Variants in KIF26B observed in about 807,000 individuals in gnomAD.
The protein encoded by KIF26B is kinesin family member 26B, also known as kinesin-like protein KIF26B.
A neutral mutation model predicts 151.2 loss-of-function variants in KIF26B; 63 were observed. The observed-to-expected ratio is 0.42, with a 90% confidence interval of 0.34 to 0.51. The LOEUF is 0.51. Among genes scored for constraint, KIF26B ranks in the 20% least tolerant of loss-of-function variants. KIF26B has a pLI of 0.07. For synonymous variants in KIF26B, 1,357 were observed against 1,262.1 expected (o/e 1.08, Z -1.59); for missense variants, 2,813 against 2,913.6 (o/e 0.97, Z 0.79).
chr1:245,685,323 T>C, intron 11 of KIF26B, 82 bp from the exon 12 acceptor site: 1 of 1,211,558 alleles, frequency 8.3e-7, no homozygotes. Flanking sequence ...GTCAGGGGCC[T>C]TCACCACTTG....
intron 5 of KIF26B, among the ~76,000 whole-genome samples, chr1:245,561,139 A>G (rs1302277639): frequency 6.6e-6 from 1 of 152,240 alleles, no homozygotes; most frequent in Non-Finnish European, 1.5e-5. Context: ...CACGAGGGGC[A>G]TTAGACAGAC....
At chr1:245,377,694 A>C (rs697314) in intron 3 of KIF26B, among the ~76,000 whole-genome samples, 17,531 of 152,248 alleles carry the variant, frequency 0.12, 1,272 homozygotes, top group East Asian at 0.36. Flanking sequence ...GAAGTTGCAG[A>C]GGTAAAAGGT....
chr1:245,602,620 C>A lies in KIF26B; in HGVS notation c.1394C>A (p.Thr465Asn). 6.2e-7 allele frequency: 1 copy of A among 1,613,948 alleles called. No homozygotes were observed. The highest frequency in any genetic ancestry group is 8.5e-7 in the Non-Finnish European group (1 of 1,179,840). ...LRICSTLARD[T>N]SESSSFLKVD... ...ATCTGTTCCACCTTGGCTCGAGATACTTCAGAATCCAGCTCTTTCTTAAAG... is the reference window on the plus strand; with the variant it reads ...ATCTGTTCCACCTTGGCTCGAGATAATTCAGAATCCAGCTCTTTCTTAAAG... The change falls in exon 6 of 15, where the codon ACT becomes AAT. Residue 465 changes from threonine (T) to asparagine (N), a missense_variant. Thr to Asn is a moderately conservative substitution (Grantham distance 65). Around this residue, in one of 3 missense-constraint regions of KIF26B, gnomAD observed 676 missense variants for 688.1 expected, o/e 0.98. Coordinates refer to ENST00000407071, the MANE Select transcript of KIF26B (RefSeq NM_018012.4). The surrounding 1 kb of genome is among the most constrained non-coding windows in gnomAD (Gnocchi z 4.5).
chr1:245,202,345 G>T (rs1310451536), intron 2 of KIF26B, among the ~76,000 whole-genome samples: 1 of 152,210 alleles, frequency 6.6e-6, no homozygotes, highest in East Asian at 1.9e-4. Flanking sequence ...GACTAATCAG[G>T]TTTAGTGGGA....
At chr1:245,337,464 G>T (rs1672257038) in intron 2 of KIF26B, among the ~76,000 whole-genome samples, 1 of 152,048 alleles carries the variant, frequency 6.6e-6, no homozygotes, top group Non-Finnish European at 1.5e-5. Context: ...TTACATGTGT[G>T]AGCCACCACG....
chr1:245,359,445 T>G (rs954446359), intron 2 of KIF26B, among the ~76,000 whole-genome samples: 1 of 152,192 alleles, frequency 6.6e-6, no homozygotes, highest in Admixed American at 6.5e-5. Context: ...TTAGTCACTC[T>G]TGTGGGAGAA....
At chr1:245,598,558 G>A (rs1161782822) in intron 5 of KIF26B, among the ~76,000 whole-genome samples, 1 of 152,162 alleles carries the variant, frequency 6.6e-6, no homozygotes, top group Non-Finnish European at 1.5e-5. Flanking sequence ...AGTGGTCACG[G>A]TGAGAGATGA....
intron 11 of KIF26B, among the ~76,000 whole-genome samples, chr1:245,684,878 G>A (rs1036249191): frequency 6.6e-6 from 1 of 152,186 alleles, no homozygotes; most frequent in Non-Finnish European, 1.5e-5. Flanking sequence ...CAATTCAGTG[G>A]TTTCTGGATG....
chr1:245,195,854 A>G (rs906631845), intron 2 of KIF26B, among the ~76,000 whole-genome samples: 3 of 152,240 alleles, frequency 2.0e-5, no homozygotes, highest in African/African-American at 7.2e-5. Context: ...GTGTGCTCGG[A>G]ACCATTTGAG....
intron 9 of KIF26B, among the ~76,000 whole-genome samples, chr1:245,621,713 C>A (rs1235969502): frequency 6.6e-6 from 1 of 152,210 alleles, no homozygotes; most frequent in Non-Finnish European, 1.5e-5. Context: ...TCCCCAGCCG[C>A]CGGAAGTGAT....
At chr1:245,623,779 A>G (rs1390136724) in intron 9 of KIF26B, among the ~76,000 whole-genome samples, 2 of 152,226 alleles carry the variant, frequency 1.3e-5, no homozygotes, top group Non-Finnish European at 1.5e-5. Context: ...GTTGGGTCCT[A>G]TTTCCAAGAT....
intron 2 of KIF26B, among the ~76,000 whole-genome samples, chr1:245,246,946 GACACAC>G (rs55885165): frequency 1.5e-4 from 21 of 143,864 alleles, no homozygotes; most frequent in Admixed American, 4.2e-4. Flanking sequence ...CACAGATACA[GACACAC>G]ACACACACAC....
intron 2 of KIF26B, among the ~76,000 whole-genome samples, chr1:245,296,570 C>T (rs375226339): frequency 4.6e-5 from 7 of 152,318 alleles, no homozygotes; most frequent in South Asian, 2.1e-4. Flanking sequence ...ACCATCCCTG[C>T]GGGATTCAGA....
At position 245,702,721 on chromosome 1, in the gene KIF26B, G is replaced by A. The variant is rs2044789176; in HGVS notation, c.*115G>A. 1 of 1,242,328 alleles carries A rather than the reference G, an allele frequency of 8.0e-7. No homozygotes were observed. The highest frequency in any genetic ancestry group is 2.3e-5 in the Admixed American group (1 of 42,866). 77.0% of individuals were successfully genotyped at this position (1,242,328 alleles called of 1,614,324 possible). A position where few individuals can be genotyped will look rare whatever the true frequency, so the allele number is the denominator to read the frequency against. ...AGACAATGAATGAGGATGAAGGTTG[G>A]TGGCAAGTCTGGAGCGGGCGTTGAG... On this transcript the variant is annotated 3_prime_UTR_variant, in exon 15 of 15. Transcript: ENST00000407071. The surrounding 1 kb of genome is among the most constrained non-coding windows in gnomAD (Gnocchi z 4.1).
chr1:245,510,693 G>A (rs1660815775), intron 4 of KIF26B, among the ~76,000 whole-genome samples: 1 of 138,962 alleles, frequency 7.2e-6, no homozygotes, highest in Non-Finnish European at 1.5e-5. Flanking sequence ...CTCTCTCTGA[G>A]ATAGCAGACA....
intron 5 of KIF26B, among the ~76,000 whole-genome samples, chr1:245,556,663 A>G (rs1457538230): frequency 6.6e-6 from 1 of 151,754 alleles, no homozygotes; most frequent in Non-Finnish European, 1.5e-5. Flanking sequence ...TGGCCTCCCA[A>G]AGTGCTGGGA....
At chr1:245,535,035 G>A (rs973804398) in intron 4 of KIF26B, among the ~76,000 whole-genome samples, 7 of 152,024 alleles carry the variant, frequency 4.6e-5, no homozygotes, top group Admixed American at 1.3e-4. Flanking sequence ...CACCCACCTC[G>A]GCCTCCCAAA....
At chr1:245,626,402 G>T (rs1326860906) in intron 9 of KIF26B, among the ~76,000 whole-genome samples, 5 of 148,660 alleles carry the variant, frequency 3.4e-5, no homozygotes, top group African/African-American at 4.9e-5. Flanking sequence ...TTCATGGTGG[G>T]TTTTTTTTTT....
At chr1:245,696,808 G>C (rs1228323098) in intron 12 of KIF26B, among the ~76,000 whole-genome samples, 1 of 152,160 alleles carries the variant, frequency 6.6e-6, no homozygotes, top group Non-Finnish European at 1.5e-5. Flanking sequence ...TCAAATCTGG[G>C]CTCTAAAAAG....
Sources: gnomAD v4.1 joint callset for allele counts (sites outside exome capture counted in the v4.1 genomes callset) on GRCh38, gnomAD v4.1.1 for gene constraint, gnomAD v4.1.1 regional missense constraint, Gnocchi (gnomAD v3.1) non-coding constraint, MANE v1.5 for transcripts, NCBI Gene and HGNC (gene_info 2026-07-23, HGNC 2026-07-21) for gene names.